Variants in CACNB2 observed in about 807,000 individuals in gnomAD.
The protein encoded by CACNB2 is voltage-dependent L-type calcium channel subunit beta-2.
Under a neutral mutation model 73.3 loss-of-function variants are expected in CACNB2, and 42 were observed. The ratio of observed to expected loss-of-function variants is 0.57; its 90% CI spans 0.45 to 0.74. The LOEUF is 0.74. Ranked by LOEUF, CACNB2 falls within the 30% of genes least tolerant of loss-of-function variation. The pLI is 0.00. For synonymous variants in CACNB2, 348 were observed against 310.3 expected (o/e 1.12, Z -1.28); for missense variants, 940 against 853.0 (o/e 1.10, Z -1.27).
At chr10:18,357,859 C>G (rs2041985431) in intron 2 of CACNB2, among the ~76,000 whole-genome samples, 1 of 152,060 alleles carries the variant, frequency 6.6e-6, no homozygotes, top group Non-Finnish European at 1.5e-5. Flanking sequence ...ACCAAAAATC[C>G]AGCAGTACCT....
intron 3 of CACNB2, among the ~76,000 whole-genome samples, chr10:18,403,840 A>T (rs561949505): frequency 1.3e-5 from 2 of 152,178 alleles, no homozygotes; most frequent in South Asian, 4.2e-4. Context: ...TAGTTTATTT[A>T]ATGGGTGAGA....
intron 2 of CACNB2, among the ~76,000 whole-genome samples, chr10:18,165,594 T>C (rs144159509): frequency 1.6e-4 from 24 of 152,310 alleles, no homozygotes; most frequent in African/African-American, 4.6e-4. Flanking sequence ...TGTTTTCTAA[T>C]AGAGACAGTG....
At chr10:18,244,049 A>G (rs985328863) in intron 2 of CACNB2, among the ~76,000 whole-genome samples, 1 of 152,166 alleles carries the variant, frequency 6.6e-6, no homozygotes, top group African/African-American at 2.4e-5. Context: ...GCTGGGGAGA[A>G]CTAATAATGC....
intron 3 of CACNB2, among the ~76,000 whole-genome samples, chr10:18,413,650 G>T (rs904318961): frequency 1.3e-5 from 2 of 152,218 alleles, no homozygotes; most frequent in Non-Finnish European, 2.9e-5. Context: ...TGCAGGGGCA[G>T]GGGTCATGCA....
At chr10:18,403,872 C>CA (rs202131404) in intron 3 of CACNB2, among the ~76,000 whole-genome samples, 1,539 of 107,508 alleles carry the variant, frequency 0.014, 20 homozygotes, top group African/African-American at 0.032. Context: ...AATGGGTACC[C>CA]AAAAAAAAAA....
At chr10:18,172,196 C>G (rs938793643) in intron 2 of CACNB2, among the ~76,000 whole-genome samples, 1 of 152,136 alleles carries the variant, frequency 6.6e-6, no homozygotes, top group Non-Finnish European at 1.5e-5. Flanking sequence ...AACCCCGTCT[C>G]TACTGAAAAT....
intron 3 of CACNB2, among the ~76,000 whole-genome samples, chr10:18,430,185 T>C (rs1197820689): frequency 6.6e-6 from 1 of 151,546 alleles, no homozygotes; most frequent in Non-Finnish European, 1.5e-5. Context: ...AGAAACCGTG[T>C]TTTTTAAGTA....
intron 2 of CACNB2, among the ~76,000 whole-genome samples, chr10:18,184,351 CT>C (rs1416880750): frequency 6.6e-6 from 1 of 152,114 alleles, no homozygotes; most frequent in African/African-American, 2.4e-5. Context: ...TTGTAATTTA[CT>C]TTTTACTTTA....
chr10:18,140,916 C>T (rs910419557), intron 1 of CACNB2, 60 bp downstream of exon 1: 14 of 1,547,472 alleles, frequency 9.0e-6, no homozygotes, highest in African/African-American at 2.7e-5. Context: ...GCACCGACCT[C>T]GGGTTCTCCC....
At chr10:18,478,462 C>T (rs968047174) in intron 3 of CACNB2, among the ~76,000 whole-genome samples, 9 of 152,142 alleles carry the variant, frequency 5.9e-5, no homozygotes, top group African/African-American at 2.2e-4. Flanking sequence ...GTGGTGTCAC[C>T]ACTTGATGTT....
chr10:18,243,286 A>C (rs2036733658), intron 2 of CACNB2, among the ~76,000 whole-genome samples: 1 of 152,022 alleles, frequency 6.6e-6, no homozygotes, highest in Non-Finnish European at 1.5e-5. Flanking sequence ...CCATTAACAC[A>C]TTTATTCAAG....
intron 2 of CACNB2, among the ~76,000 whole-genome samples, chr10:18,177,703 G>T (rs150518090): frequency 6.6e-6 from 1 of 152,194 alleles, no homozygotes; most frequent in African/African-American, 2.4e-5. Context: ...TTAGCACTCA[G>T]TGAATCTACA....
chr10:18,451,922 G>A (rs1283488034), intron 3 of CACNB2, among the ~76,000 whole-genome samples: 1 of 152,124 alleles, frequency 6.6e-6, no homozygotes, highest in Admixed American at 6.6e-5. Context: ...ATCTATTGTG[G>A]TATTCAGTTT....
At chr10:18,530,028 C>T (rs774783721) in intron 10 of CACNB2, among the ~76,000 whole-genome samples, 6 of 152,154 alleles carry the variant, frequency 3.9e-5, no homozygotes, top group Non-Finnish European at 7.3e-5. Context: ...CAGGGGAACT[C>T]CCCTTTATGA....
chr10:18,408,496 C>T (rs899348093), intron 3 of CACNB2, among the ~76,000 whole-genome samples: 1 of 152,048 alleles, frequency 6.6e-6, no homozygotes, highest in African/African-American at 2.4e-5. Context: ...ACCTTGGACT[C>T]TTGAAGTTCT....
intron 2 of CACNB2, among the ~76,000 whole-genome samples, chr10:18,290,593 A>G (rs1357397281): frequency 1.3e-5 from 2 of 152,196 alleles, no homozygotes; most frequent in African/African-American, 4.8e-5. Flanking sequence ...AATTTGGAAG[A>G]AAAAGTAAAA....
At chr10:18,227,560 C>T (rs2036042833) in intron 2 of CACNB2, among the ~76,000 whole-genome samples, 1 of 152,122 alleles carries the variant, frequency 6.6e-6, no homozygotes, top group South Asian at 2.1e-4. Flanking sequence ...GCTGAGAAAT[C>T]AAAGAGACAG....
chr10:18,375,296 T>C (rs1021543398), intron 2 of CACNB2, among the ~76,000 whole-genome samples: 1 of 152,170 alleles, frequency 6.6e-6, no homozygotes, highest in Non-Finnish European at 1.5e-5. Flanking sequence ...CTCCCAATCC[T>C]GCACCAATGC....
intron 2 of CACNB2, among the ~76,000 whole-genome samples, chr10:18,166,668 G>A (rs2032874552): frequency 6.6e-6 from 1 of 152,138 alleles, no homozygotes; most frequent in African/African-American, 2.4e-5. Context: ...GGAGAGGAGA[G>A]TAAAAACCAC....
Sources: allele counts gnomAD v4.1 joint callset (sites outside exome capture counted in the v4.1 genomes callset), GRCh38; gene constraint gnomAD v4.1.1; transcripts MANE v1.5; gene names NCBI Gene and HGNC (gene_info 2026-07-23, HGNC 2026-07-21).